The following GRIK1 variants were observed in gnomAD, a reference collection of about 807,000 sequenced individuals.
The protein encoded by GRIK1 is glutamate ionotropic receptor kainate type subunit 1.
A neutral mutation model predicts 105.7 loss-of-function variants in GRIK1; 69 were observed. The observed-to-expected ratio is 0.65, with a 90% CI of 0.54 to 0.80. The LOEUF (loss-of-function observed/expected upper bound fraction) is 0.80, where lower values mean the gene tolerates loss of function less well. GRIK1 is among the 30% of genes least tolerant of loss of function. The pLI, the probability that GRIK1 is intolerant of heterozygous loss-of-function variation, is 0.00. For missense variants in GRIK1, 1,109 were observed against 1,167.3 expected (o/e 0.95, Z 0.73); for synonymous variants, 438 against 431.3 (o/e 1.02, Z -0.19).
intron 6 of GRIK1, among the ~76,000 whole-genome samples, chr21:29,644,542 C>T (rs1372137911): frequency 2.6e-5 from 4 of 152,134 alleles, no homozygotes; most frequent in African/African-American, 4.8e-5. Flanking sequence ...GACATACTGA[C>T]GTTGGATTGG....
intron 1 of GRIK1, among the ~76,000 whole-genome samples, chr21:29,929,424 T>C (rs1404853372): frequency 1.3e-5 from 2 of 152,154 alleles, no homozygotes; most frequent in African/African-American, 4.8e-5. Flanking sequence ...ACAAAACCAA[T>C]AAACTTCCCT....
At chr21:29,735,134 A>G (rs2064757202) in intron 1 of GRIK1, among the ~76,000 whole-genome samples, 1 of 152,200 alleles carries the variant, frequency 6.6e-6, no homozygotes, top group South Asian at 2.1e-4. Flanking sequence ...AAGAACATAG[A>G]TTTCATGAAA....
chr21:29,839,044 C>CTT (rs760557930), intron 1 of GRIK1, among the ~76,000 whole-genome samples: 21 of 151,626 alleles, frequency 1.4e-4, no homozygotes, highest in Non-Finnish European at 1.6e-4. Context: ...ATAGGGATTT[C>CTT]TTTTCTTTTC....
intron 17 of GRIK1, 64 bp from the exon 18 acceptor site, chr21:29,537,449 C>T (rs2089898209): frequency 7.6e-7 from 1 of 1,308,482 alleles, no homozygotes; most frequent in Admixed American, 2.1e-5. Flanking sequence ...GTTGACCTGC[C>T]TCTTGCCTAG....
chr21:29,920,341 T>G (rs905485081), intron 1 of GRIK1, among the ~76,000 whole-genome samples: 1 of 152,082 alleles, frequency 6.6e-6, no homozygotes, highest in African/African-American at 2.4e-5. Context: ...AGAGCTAAAT[T>G]GTCACTGAGC....
intron 1 of GRIK1, among the ~76,000 whole-genome samples, chr21:29,758,350 A>G (rs1404663256): frequency 2.0e-5 from 3 of 152,248 alleles, no homozygotes; most frequent in Non-Finnish European, 4.4e-5. Context: ...CAACCATGGC[A>G]GAAGGTGAAT....
intron 14 of GRIK1, among the ~76,000 whole-genome samples, chr21:29,576,411 A>G (rs1384609510): frequency 6.6e-6 from 1 of 152,204 alleles, no homozygotes; most frequent in Non-Finnish European, 1.5e-5. Context: ...GGCTGGGAAC[A>G]CTGTCCTTCA....
At chr21:29,538,617 A>T (rs1337585215) in intron 16 of GRIK1, among the ~76,000 whole-genome samples, 1 of 152,158 alleles carries the variant, frequency 6.6e-6, no homozygotes, top group African/African-American at 2.4e-5. Flanking sequence ...CCTTTGGTAA[A>T]GGTTATAGAA....
chr21:29,749,167 G>A (rs1388770759), intron 1 of GRIK1: 1 of 152,198 alleles, frequency 6.6e-6, no homozygotes, highest in Non-Finnish European at 1.5e-5. Context: ...TTCTAACAGA[G>A]CTTCATTATT....
At chr21:29,824,500 G>A (rs2067393110) in intron 1 of GRIK1, among the ~76,000 whole-genome samples, 1 of 152,000 alleles carries the variant, frequency 6.6e-6, no homozygotes, top group African/African-American at 2.4e-5. Context: ...TGTATGGGAA[G>A]TGGGCAAGGA....
chr21:29,850,875 G>A (rs2068282739), intron 1 of GRIK1, among the ~76,000 whole-genome samples: 1 of 152,230 alleles, frequency 6.6e-6, no homozygotes, highest in East Asian at 1.9e-4. Flanking sequence ...ATCTCAGCAG[G>A]AAATTTAATA....
At chr21:29,708,003 T>A (rs2146800447) in intron 1 of GRIK1, among the ~76,000 whole-genome samples, 1 of 152,296 alleles carries the variant, frequency 6.6e-6, no homozygotes, top group East Asian at 1.9e-4. Context: ...GAGAGTAAAA[T>A]GTCTTGTAAT....
intron 1 of GRIK1, among the ~76,000 whole-genome samples, chr21:29,874,472 C>T (rs2069124157): frequency 1.3e-5 from 2 of 152,076 alleles, no homozygotes; most frequent in Non-Finnish European, 2.9e-5. Flanking sequence ...ACTGTTTGTC[C>T]CCATGACCAA....
chr21:29,924,886 A>G (rs1015015430), intron 1 of GRIK1, among the ~76,000 whole-genome samples: 5 of 152,190 alleles, frequency 3.3e-5, no homozygotes, highest in African/African-American at 1.2e-4. Flanking sequence ...TGCACATTTA[A>G]TCACAACCCC....
At chr21:29,540,436 C>T (rs2089950431) in intron 16 of GRIK1, among the ~76,000 whole-genome samples, 1 of 152,168 alleles carries the variant, frequency 6.6e-6, no homozygotes, top group Admixed American at 6.5e-5. Context: ...GCTGACCTTT[C>T]TGCCTCCAAG....
intron 1 of GRIK1, among the ~76,000 whole-genome samples, chr21:29,783,926 G>GT (rs2066191027): frequency 6.6e-6 from 1 of 152,038 alleles, no homozygotes; most frequent in African/African-American, 2.4e-5. Context: ...CCCGACTGTT[G>GT]TTTTTTTGCT....
rs191208726 is a variant in GRIK1 at position 29,821,060 on chromosome 21, A to G, written c.118+118323T>C. Among the ~76,000 whole-genome samples the G allele has an allele frequency of 8.7e-4, 132 of 151,472 alleles. 3 individuals are homozygous for G. The East Asian group carries it at 0.024, about 28-fold the overall frequency. On this transcript the variant is annotated intron_variant, in intron 1 of 17. Coordinates refer to ENST00000327783, the MANE Select transcript of GRIK1 (RefSeq NM_001330994.2). ...CACCAACCCTCCCAACACACAGTAA[A>G]AAAAAAAAAAAATCCATGTATAACT...
At chr21:29,716,626 C>T (rs8132168) in intron 1 of GRIK1, among the ~76,000 whole-genome samples, 5,821 of 152,198 alleles carry the variant, frequency 0.038, 254 homozygotes, top group East Asian at 0.1. Flanking sequence ...TTGCTCCTGC[C>T]CTAGAGATCT....
chr21:29,726,303 G>T (rs949235781), intron 1 of GRIK1, among the ~76,000 whole-genome samples: 16 of 152,030 alleles, frequency 1.1e-4, no homozygotes, highest in African/African-American at 3.6e-4. Context: ...AAGCACTCTG[G>T]TTTTTTTCTC....
Sources: gnomAD v4.1 joint callset for allele counts (sites outside exome capture counted in the v4.1 genomes callset) on GRCh38, gnomAD v4.1.1 for gene constraint, MANE v1.5 for transcripts, NCBI Gene and HGNC (gene_info 2026-07-23, HGNC 2026-07-21) for gene names.